AFF3: variants seen among roughly 807,000 people sequenced by gnomAD.
AFF3 encodes the protein AF4/FMR2 family member 3.
In AFF3, 32 loss-of-function variants were observed where a neutral mutation model predicts 129.7. The ratio of observed to expected loss-of-function variants is 0.25; its 90% CI spans 0.19 to 0.33. The LOEUF is 0.33. AFF3 is among the 10% of genes least tolerant of loss of function. AFF3 has a pLI of 1.00. For synonymous variants in AFF3, 644 were observed against 635.4 expected (o/e 1.01, Z -0.20); for missense variants, 1,373 against 1,592.0 (o/e 0.86, Z 2.34).
chr2:99,687,162 G>T lies in AFF3; in HGVS notation c.1092-14573C>A, dbSNP rs1185338459. Among the ~76,000 whole-genome samples the T allele has an allele frequency of 2.0e-5, 3 of 152,198 alleles. 1 individual carries two copies. In the East Asian group the frequency reaches 5.8e-4, roughly 29 times the overall value. ...ACTCAGAACAAAGAGAAGGATCTAG[G>T]AATGCAATTTCCTATGTGGCCAAGA... On this transcript the variant is annotated intron_variant, in intron 11 of 24. Coordinates refer to ENST00000672756, the MANE Select transcript of AFF3 (RefSeq NM_001386135.1).
intron 1 of AFF3, among the ~76,000 whole-genome samples, chr2:100,132,142 A>G (rs1692450514): frequency 6.6e-6 from 1 of 152,242 alleles, no homozygotes; most frequent in African/African-American, 2.4e-5. Flanking sequence ...GTTAGACAGG[A>G]GGAATAAGTT....
chr2:99,740,370 T>C (rs1680621813), intron 10 of AFF3, among the ~76,000 whole-genome samples: 1 of 151,512 alleles, frequency 6.6e-6, no homozygotes, highest in African/African-American at 2.4e-5. Context: ...TAGTTCTAGA[T>C]CCCTGAGGAA....
intron 7 of AFF3, among the ~76,000 whole-genome samples, chr2:99,946,878 C>T (rs1301964527): frequency 1.3e-5 from 2 of 152,192 alleles, no homozygotes; most frequent in East Asian, 3.9e-4. Context: ...ACCATTAAGG[C>T]AGTGACTATG....
chr2:99,829,164 C>A (rs1444656745), intron 8 of AFF3, among the ~76,000 whole-genome samples: 2 of 152,122 alleles, frequency 1.3e-5, no homozygotes, highest in Non-Finnish European at 2.9e-5. Flanking sequence ...AAAATGTGAG[C>A]TATGCATACA....
intron 7 of AFF3, among the ~76,000 whole-genome samples, chr2:99,990,773 G>C (rs1325970690): frequency 6.6e-6 from 1 of 152,190 alleles, no homozygotes; most frequent in Admixed American, 6.5e-5. Context: ...CCTTCGAGAA[G>C]AGCAATCAAC....
intron 16 of AFF3, among the ~76,000 whole-genome samples, chr2:99,585,428 C>T (rs1158275861): frequency 6.6e-6 from 1 of 152,178 alleles, no homozygotes; most frequent in Non-Finnish European, 1.5e-5. Flanking sequence ...GGTACACAGA[C>T]CACCTTTCTC....
intron 10 of AFF3, among the ~76,000 whole-genome samples, chr2:99,733,390 A>AC (rs1457463406): frequency 1.3e-5 from 1 of 75,550 alleles, no homozygotes; most frequent in African/African-American, 3.4e-5. Context: ...AAAAAAAAAA[A>AC]AACCAAAACA....
intron 7 of AFF3, among the ~76,000 whole-genome samples, chr2:99,917,057 CTG>C (rs1417302602): frequency 2.0e-5 from 3 of 152,232 alleles, no homozygotes; most frequent in Admixed American, 6.5e-5. Flanking sequence ...GCTATGATGA[CTG>C]AGCCCACTGT....
At position 100,006,710 on chromosome 2, in the gene AFF3, C is replaced by T; in HGVS notation, c.795G>A (p.Arg265=). The T allele has an allele frequency of 1.2e-6, 2 of 1,614,214 alleles. No homozygotes were observed. The highest frequency in any genetic ancestry group is 8.5e-7 in the Non-Finnish European group (1 of 1,180,032). ...SETSVHCTSY[R]GVPASKPEPA... ...GCTCCGGCTTGCTGGCAGGGACTCC[C>T]CTGTATGATGTGCAGTGCACGCTGG... The change falls in exon 7 of 25, where the codon AGG becomes AGA. Residue 265 remains arginine (R), a synonymous_variant. Transcript: ENST00000672756.
At chr2:99,955,918 C>T (rs542212652) in intron 7 of AFF3, among the ~76,000 whole-genome samples, 1 of 152,252 alleles carries the variant, frequency 6.6e-6, no homozygotes, top group African/African-American at 2.4e-5. Context: ...CTTCTTTACA[C>T]TGCTGCTGGG....
intron 7 of AFF3, among the ~76,000 whole-genome samples, chr2:99,946,466 G>A (rs907615349): frequency 7.0e-5 from 7 of 99,514 alleles, no homozygotes; most frequent in African/African-American, 1.6e-4. Flanking sequence ...AGAGTGAGAC[G>A]CCATCTTAAA....
chr2:99,601,548 C>T lies in AFF3; in HGVS notation c.1258G>A (p.Gly420Ser), dbSNP rs1375796872. The change falls in exon 14 of 25, where the codon GGC (glycine) becomes AGC (serine). Residue 420 changes from glycine to serine, a missense_variant. Physicochemically the swap from Gly to Ser is moderately conservative, Grantham distance 56. Transcript: ENST00000672756. ...GAGTCGCTGGAGGAGCTGCTGCTGC[C>T]GCTGCTGCTGCTGCTGCTGCTGCCC... ...SKGSSSSSSS[G>S]SSSSSSDSES... 3.7e-5 allele frequency: 59 copies of T among 1,598,758 alleles called. No individual in the cohort carries two copies. The highest frequency in any genetic ancestry group is 4.5e-5 in the South Asian group (4 of 88,902).
chr2:99,916,776 C>T (rs930777042), intron 7 of AFF3, among the ~76,000 whole-genome samples: 10 of 152,040 alleles, frequency 6.6e-5, no homozygotes, highest in South Asian at 2.1e-4. Context: ...TCAGATGCAG[C>T]GGCCTCCCTA....
chr2:100,115,825 G>A (rs1207222622), intron 2 of AFF3, among the ~76,000 whole-genome samples: 1 of 152,040 alleles, frequency 6.6e-6, no homozygotes, highest in Non-Finnish European at 1.5e-5. Context: ...TCAATTTTAT[G>A]TTTATAATTG....
chr2:99,891,303 G>A lies in AFF3; in HGVS notation c.874-53779C>T, dbSNP rs1024297914. Among the ~76,000 whole-genome samples, 10 of 152,288 alleles carry A rather than the reference G, an allele frequency of 6.6e-5. No individual in the cohort carries two copies. In the Middle Eastern group the frequency reaches 0.01, roughly 155 times the overall value. On this transcript the variant is annotated intron_variant, in intron 7 of 24. Transcript: ENST00000672756. ...AAAAGGAGGTGGGGTATGGGCTTTG[G>A]AGCAGTTGTTTGTGGGTGAAAGGCG...
chr2:100,028,582 C>A (rs1180971607), intron 4 of AFF3, among the ~76,000 whole-genome samples: 1 of 151,800 alleles, frequency 6.6e-6, no homozygotes, highest in Non-Finnish European at 1.5e-5. Flanking sequence ...ATGAATATAT[C>A]CATAAAATAA....
intron 13 of AFF3, among the ~76,000 whole-genome samples, chr2:99,645,916 T>C (rs1412696980): frequency 2.0e-5 from 3 of 152,092 alleles, no homozygotes; most frequent in Non-Finnish European, 2.9e-5. Flanking sequence ...TCCAAAGACA[T>C]CTGGACATTC....
chr2:99,879,720 C>T (rs1257235563), intron 7 of AFF3, among the ~76,000 whole-genome samples: 4 of 152,166 alleles, frequency 2.6e-5, no homozygotes, highest in Admixed American at 1.3e-4. Context: ...ATCTTGCCAA[C>T]GTGCCCAAGG....
chr2:100,054,294 G>C (rs766300315), intron 4 of AFF3, among the ~76,000 whole-genome samples: 1 of 152,172 alleles, frequency 6.6e-6, no homozygotes, highest in Non-Finnish European at 1.5e-5. Context: ...TTGGGCCATG[G>C]GGTGCCACAC....
Sources: gnomAD v4.1 joint callset for allele counts (sites outside exome capture counted in the v4.1 genomes callset) on GRCh38, gnomAD v4.1.1 for gene constraint, MANE v1.5 for transcripts, NCBI Gene and HGNC (gene_info 2026-07-23, HGNC 2026-07-21) for gene names.